The following TPTE2 variants were observed in gnomAD, a reference collection of about 807,000 sequenced individuals.
TPTE2 encodes transmembrane phosphoinositide 3-phosphatase and tensin homolog 2, also known as phosphatidylinositol 3,4,5-trisphosphate 3-phosphatase TPTE2.
A neutral mutation model predicts 78.6 loss-of-function variants in TPTE2; 53 were observed. The observed-to-expected ratio is 0.67, with a 90% CI of 0.54 to 0.85. The LOEUF is 0.85. Ranked by LOEUF, TPTE2 falls within the 40% of genes least tolerant of loss-of-function variation. The pLI, the probability that TPTE2 is intolerant of heterozygous loss-of-function variation, is 0.00. For synonymous variants in TPTE2, 175 were observed against 206.2 expected (o/e 0.85, Z 1.30); for missense variants, 461 against 623.0 (o/e 0.74, Z 2.77).
At chr13:19,548,451 A>G in the TPTE2 span, among the ~76,000 whole-genome samples, 237 of 152,016 alleles carry the variant, frequency 1.6e-3, 1 homozygote, top group Non-Finnish European at 3.0e-3. Context: ...TGGTAATTTG[A>G]ACTTATCTCA....
intron 1 of TPTE2, among the ~76,000 whole-genome samples, chr13:19,500,641 G>C (rs886731632): frequency 6.6e-6 from 1 of 152,066 alleles, no homozygotes; most frequent in Non-Finnish European, 1.5e-5. Context: ...GGTATTGATG[G>C]GATGTATTTC....
At chr13:19,463,970 A>G (rs1351562517) in intron 10 of TPTE2, among the ~76,000 whole-genome samples, 5 of 152,256 alleles carry the variant, frequency 3.3e-5, no homozygotes, top group African/African-American at 9.6e-5. Context: ...AAGTGCATGC[A>G]GCATATGGTG....
At chr13:19,544,060 C>CA in the TPTE2 span, among the ~76,000 whole-genome samples, 511 of 31,962 alleles carry the variant, frequency 0.016, 34 homozygotes, top group Middle Eastern at 0.1. Context: ...GAACCTGTCT[C>CA]AAAAAAAAAA....
At chr13:19,546,638 C>T in the TPTE2 span, among the ~76,000 whole-genome samples, 1 of 151,702 alleles carries the variant, frequency 6.6e-6, no homozygotes, top group African/African-American at 2.4e-5. Flanking sequence ...TACAGGCATG[C>T]ACCACCACAT....
At chr13:19,501,993 G>A (rs1221302322) in intron 1 of TPTE2, among the ~76,000 whole-genome samples, 2 of 146,278 alleles carry the variant, frequency 1.4e-5, no homozygotes, top group African/African-American at 5.1e-5. Flanking sequence ...CGAAGGACAT[G>A]AACAGACACT....
At position 19,451,081 on chromosome 13, in the gene TPTE2, G is replaced by A. The variant is rs966375228; in HGVS notation, c.802+84C>T. ...CACTACCAAATACTTATGATTAAAT[G>A]CAATCTAAAAAGCAAAATCATCTTC... On this transcript the variant is annotated intron_variant, in intron 11 of 19. Coordinates refer to ENST00000400230, the Ensembl canonical transcript of TPTE2. The A allele has an allele frequency of 7.3e-6, 11 of 1,506,556 alleles. No individual in the cohort carries two copies. In the African/African-American group the frequency reaches 1.4e-4, roughly 19 times the overall value. 93.3% of individuals were successfully genotyped at this position (1,506,556 alleles called of 1,614,324 possible). A position where few individuals can be genotyped will look rare whatever the true frequency, so the allele number is the denominator to read the frequency against.
chr13:19,558,531 C>T, the TPTE2 span, among the ~76,000 whole-genome samples: 1 of 152,196 alleles, frequency 6.6e-6, no homozygotes, highest in Non-Finnish European at 1.5e-5. Flanking sequence ...TGAATTTTGA[C>T]TAGAATCTGT....
At chr13:19,438,916 T>C (rs1432582561) in intron 13 of TPTE2, among the ~76,000 whole-genome samples, 1 of 152,162 alleles carries the variant, frequency 6.6e-6, no homozygotes, top group African/African-American at 2.4e-5. Context: ...AGCATCCCTC[T>C]GTCTCACCTT....
intron 1 of TPTE2, among the ~76,000 whole-genome samples, chr13:19,518,482 C>T (rs1213813798): frequency 6.6e-6 from 1 of 152,146 alleles, no homozygotes; most frequent in African/African-American, 2.4e-5. Context: ...AGATTTGCAA[C>T]TGGCAAATAA....
At position 19,468,025 on chromosome 13, in the gene TPTE2, C is replaced by CTTT. The variant is rs71092364; in HGVS notation, c.393-684_393-682dup. 1.1e-4 allele frequency among the ~76,000 whole-genome samples: 5 copies of CTTT among 45,538 alleles called. 1 individual carries two copies. Among genetic ancestry groups the CTTT allele is most frequent in the Admixed American group, 4.0e-4 (1 of 2,500 alleles). 29.9% of individuals were successfully genotyped at this position (45,538 alleles called of 152,430 possible). A position where few individuals can be genotyped will look rare whatever the true frequency, so the allele number is the denominator to read the frequency against. ...CATGTTGTTCCAAATGACAGGATCT[C>CTTT]TTTTTTTTTTTTTTTTTTTTTTTTT... On this transcript the variant is annotated intron_variant, in intron 6 of 19. Coordinates refer to ENST00000400230, the Ensembl canonical transcript of TPTE2.
intron 1 of TPTE2, among the ~76,000 whole-genome samples, chr13:19,523,707 C>A (rs1416735612): frequency 1.3e-5 from 2 of 152,154 alleles, no homozygotes; most frequent in Non-Finnish European, 2.9e-5. Flanking sequence ...AACTCCTGAC[C>A]TCAGGTTATC....
At chr13:19,559,172 C>T in the TPTE2 span, among the ~76,000 whole-genome samples, 1 of 152,216 alleles carries the variant, frequency 6.6e-6, no homozygotes, top group African/African-American at 2.4e-5. Context: ...TGTAACAGTA[C>T]TGGCATTACT....
intron 17 of TPTE2, among the ~76,000 whole-genome samples, chr13:19,427,172 C>T (rs1406377897): frequency 3.6e-5 from 5 of 138,856 alleles, no homozygotes; most frequent in Non-Finnish European, 7.5e-5. Flanking sequence ...CCAACTTCTG[C>T]CTCCCAGGTT....
chr13:19,423,922 C>T (rs1461647909), intron 19 of TPTE2, among the ~76,000 whole-genome samples: 1 of 152,130 alleles, frequency 6.6e-6, no homozygotes, highest in Non-Finnish European at 1.5e-5. Flanking sequence ...AGGGACTTTG[C>T]TCATGTTAGA....
intron 1 of TPTE2, among the ~76,000 whole-genome samples, chr13:19,520,107 C>T (rs1054511150): frequency 1.3e-5 from 2 of 151,942 alleles, no homozygotes; most frequent in Admixed American, 1.3e-4. Context: ...CTTTTGTGAA[C>T]TCAATTGTTG....
intron 16 of TPTE2, 112 bp from the exon 20 acceptor site, chr13:19,430,659 G>A: frequency 3.0e-6 from 2 of 665,340 alleles, no homozygotes; most frequent in Middle Eastern, 5.1e-4. Flanking sequence ...AGCTAACAAC[G>A]TATCAATAGT....
chr13:19,467,117 G>C (rs1861080811), intron 7 of TPTE2, 108 bp downstream of exon 10: 4 of 1,302,680 alleles, frequency 3.1e-6, no homozygotes, highest in Middle Eastern at 5.7e-4. Flanking sequence ...CAATGTATTT[G>C]GTATAGATGA....
At chr13:19,466,059 C>T (rs1272489578) in intron 7 of TPTE2, among the ~76,000 whole-genome samples, 1 of 152,190 alleles carries the variant, frequency 6.6e-6, no homozygotes, top group Non-Finnish European at 1.5e-5. Flanking sequence ...TAATGCACAT[C>T]AGGCAGGCAA....
intron 1 of TPTE2, among the ~76,000 whole-genome samples, chr13:19,523,822 C>T (rs1229232020): frequency 6.6e-6 from 1 of 152,086 alleles, no homozygotes; most frequent in Non-Finnish European, 1.5e-5. Context: ...GAAGGAAGTA[C>T]AAAATGATTA....
Sources: allele counts gnomAD v4.1 joint callset (sites outside exome capture counted in the v4.1 genomes callset), GRCh38; gene constraint gnomAD v4.1.1; transcripts MANE v1.5; gene names NCBI Gene and HGNC (gene_info 2026-07-23, HGNC 2026-07-21).